Variants in SPECC1 observed in about 807,000 individuals in gnomAD.
SPECC1 encodes the protein cytospin-B.
SPECC1 carries 62 observed loss-of-function variants against 104.1 expected under a neutral mutation model. That is an observed-to-expected ratio of 0.60 (90% confidence interval 0.49 to 0.74). The LOEUF (loss-of-function observed/expected upper bound fraction) is 0.74, where lower values mean the gene tolerates loss of function less well. Among genes scored for constraint, SPECC1 ranks in the 30% least tolerant of loss-of-function variants. The probability of loss-of-function intolerance (pLI) is 0.00; values close to 1 mark genes in which losing one functional copy is unlikely to be tolerated. For synonymous variants in SPECC1, 513 were observed against 501.6 expected (o/e 1.02, Z -0.30); for missense variants, 1,306 against 1,310.5 (o/e 1.00, Z 0.05).
chr17:20,105,822 A>G (rs1010650476), intron 2 of SPECC1, among the ~76,000 whole-genome samples: 4 of 151,972 alleles, frequency 2.6e-5, no homozygotes, highest in Non-Finnish European at 4.4e-5. Context: ...CCAACCCCTT[A>G]TGGAAGGGGG....
rs1598189935 is a variant in SPECC1 at position 20,315,233 on chromosome 17, C to G, written c.*1168C>G. ...TTTGGCCTTTAGTGCTTCCCCAGGC[C>G]TCTTTCATCGGCATGGGAAAAGCCC... On this transcript the variant is annotated 3_prime_UTR_variant, in exon 15 of 15. Transcript: ENST00000395527. 4.3e-6 allele frequency: 1 copy of G among 232,644 alleles called. No homozygotes were observed. The highest frequency in any genetic ancestry group is 5.6e-5 in the Admixed American group (1 of 17,764). The allele number at this position is 232,644 out of a possible 1,614,324, so 14.4% of individuals were successfully genotyped here. A position where few individuals can be genotyped will look rare whatever the true frequency, so the allele number is the denominator to read the frequency against.
At chr17:20,111,994 G>A (rs999482861) in intron 3 of SPECC1, 7 of 784,690 alleles carry the variant, frequency 8.9e-6, no homozygotes, top group African/African-American at 8.5e-5. Context: ...CTTTGATCAG[G>A]GATGATGATG....
intron 1 of SPECC1, among the ~76,000 whole-genome samples, chr17:20,062,078 C>T (rs1251005408): frequency 1.3e-5 from 2 of 151,422 alleles, no homozygotes; most frequent in South Asian, 2.1e-4. Context: ...GGTGAAACCC[C>T]GTCTCTGCTA....
chr17:20,147,639 G>C (rs757548947), intron 3 of SPECC1, among the ~76,000 whole-genome samples: 1 of 152,206 alleles, frequency 6.6e-6, no homozygotes, highest in Non-Finnish European at 1.5e-5. Flanking sequence ...AAACTGAGTT[G>C]AGAGGCATAT....
chr17:20,208,075 ATG>A (rs1419795475), intron 4 of SPECC1, among the ~76,000 whole-genome samples: 1 of 152,248 alleles, frequency 6.6e-6, no homozygotes, highest in Non-Finnish European at 1.5e-5. Context: ...AATAAACTAA[ATG>A]TAATTTAAAG....
At chr17:20,239,907 T>A (rs1399629790) in intron 7 of SPECC1, among the ~76,000 whole-genome samples, 1 of 50,536 alleles carries the variant, frequency 2.0e-5, no homozygotes, top group Non-Finnish European at 3.4e-5. Flanking sequence ...TTTTTTTTTT[T>A]TTTAAAGACA....
intron 1 of SPECC1, among the ~76,000 whole-genome samples, chr17:20,051,076 CTT>C (rs1464342482): frequency 1.0e-4 from 6 of 57,158 alleles, no homozygotes; most frequent in Middle Eastern, 0.013. Flanking sequence ...CTTTTTCTTT[CTT>C]TCTTTCTTTC....
chr17:20,068,414 T>C (rs2046435053), intron 1 of SPECC1, among the ~76,000 whole-genome samples: 1 of 152,242 alleles, frequency 6.6e-6, no homozygotes, highest in Admixed American at 6.5e-5. Context: ...TTTTCTACTT[T>C]ATGGCTACTG....
intron 12 of SPECC1, among the ~76,000 whole-genome samples, chr17:20,289,738 T>C (rs1404473925): frequency 6.6e-6 from 1 of 152,198 alleles, no homozygotes; most frequent in African/African-American, 2.4e-5. Flanking sequence ...GATGCTCAGC[T>C]AGAATTAGAG....
At chr17:20,285,819 C>CTTT (rs112146667) in intron 12 of SPECC1, among the ~76,000 whole-genome samples, 1 of 140,228 alleles carries the variant, frequency 7.1e-6, no homozygotes, top group African/African-American at 2.7e-5. Flanking sequence ...TCCTTCCTTC[C>CTTT]TTTTTTTTTT....
chr17:20,210,897 CAG>C lies in SPECC1; in HGVS notation c.1863+4986_1863+4987del, dbSNP rs1050504153. ...TGACTGTCTGGCAGTCATGTTTGCT[CAG>C]GGGGTTTTCTCGGCCTGAAGAGACC... On this transcript the variant is annotated intron_variant, in intron 4 of 14. Transcript: ENST00000395527. Among the ~76,000 whole-genome samples the C allele has an allele frequency of 3.3e-5, 5 of 152,286 alleles. No individual in the cohort carries two copies. The East Asian group carries it at 9.7e-4, about 29-fold the overall frequency.
chr17:20,010,354 A>C (rs530639645), intron 1 of SPECC1: 1 of 152,344 alleles, frequency 6.6e-6, no homozygotes, highest in Non-Finnish European at 1.5e-5. Context: ...AGCTGCAGGC[A>C]GCAGATAAAG....
intron 14 of SPECC1, among the ~76,000 whole-genome samples, chr17:20,308,887 A>G (rs1344744170): frequency 6.6e-6 from 1 of 152,202 alleles, no homozygotes; most frequent in East Asian, 1.9e-4. Flanking sequence ...GGAAGATTAT[A>G]TTTTACACAG....
At chr17:20,078,441 A>G (rs2046845907) in intron 1 of SPECC1, among the ~76,000 whole-genome samples, 2 of 152,136 alleles carry the variant, frequency 1.3e-5, no homozygotes, top group African/African-American at 4.8e-5. Context: ...TTCAACCTCA[A>G]TAATAGTCAT....
chr17:20,156,046 C>T, intron 3 of SPECC1: 1 of 1,278,474 alleles, frequency 7.8e-7, no homozygotes, highest in South Asian at 2.4e-5. Flanking sequence ...CCGCCGGCAG[C>T]TGCTGGGAAC....
At chr17:20,088,723 A>G (rs2047280181) in intron 1 of SPECC1, among the ~76,000 whole-genome samples, 1 of 152,182 alleles carries the variant, frequency 6.6e-6, no homozygotes. Context: ...AGCTCAGGCA[A>G]GCCGTCATTT....
intron 3 of SPECC1, among the ~76,000 whole-genome samples, chr17:20,174,178 G>A (rs2034298837): frequency 6.6e-6 from 1 of 152,014 alleles, no homozygotes; most frequent in South Asian, 2.1e-4. Context: ...TGATCCACCT[G>A]CCTCAGCCTC....
chr17:20,124,776 A>G (rs2049202990), intron 3 of SPECC1, among the ~76,000 whole-genome samples: 2 of 152,230 alleles, frequency 1.3e-5, no homozygotes, highest in African/African-American at 4.8e-5. Flanking sequence ...ATGAGCCTAC[A>G]TTTGGGCAAA....
At chr17:20,305,968 C>T in intron 13 of SPECC1, 55 bp from the exon 14 acceptor site, 1 of 1,512,740 alleles carries the variant, frequency 6.6e-7, no homozygotes, top group Non-Finnish European at 9.2e-7. Context: ...TCTTTCCTGG[C>T]AAAAGCTATA....
Sources: allele counts gnomAD v4.1 joint callset (sites outside exome capture counted in the v4.1 genomes callset), GRCh38; gene constraint gnomAD v4.1.1; transcripts MANE v1.5; gene names NCBI Gene and HGNC (gene_info 2026-07-23, HGNC 2026-07-21).